Variants in AKAP6 observed in about 807,000 individuals in gnomAD.
The protein encoded by AKAP6 is A-kinase anchoring protein 6, also known as A-kinase anchor protein 6.
A neutral mutation model predicts 188.5 loss-of-function variants in AKAP6; 58 were observed. That is an observed-to-expected ratio of 0.31 (90% confidence interval 0.25 to 0.38). AKAP6 has a LOEUF of 0.38. Among genes scored for constraint, AKAP6 ranks in the 10% least tolerant of loss-of-function variants. The probability of loss-of-function intolerance (pLI) is 1.00; values close to 1 mark genes in which losing one functional copy is unlikely to be tolerated. For synonymous variants in AKAP6, 989 were observed against 998.6 expected, an observed-to-expected ratio of 0.99 and a Z score of 0.18; for missense variants, 2,710 against 2,740.0, an observed-to-expected ratio of 0.99 and a Z score of 0.24.
intron 9 of AKAP6, among the ~76,000 whole-genome samples, chr14:32,715,919 T>C (rs564745346): frequency 6.6e-6 from 1 of 152,002 alleles, no homozygotes; most frequent in East Asian, 1.9e-4. Context: ...CTCTGCATGC[T>C]AAGAAAATTT....
Position 32,764,519 on chromosome 14 carries a change from C to A in AKAP6, c.3373-9159C>A, listed in dbSNP as rs570788457. Among the ~76,000 whole-genome samples the A allele has an allele frequency of 1.7e-4, 26 of 152,328 alleles. 1 individual carries two copies. In the Middle Eastern group the frequency reaches 0.01, roughly 60 times the overall value. On this transcript the variant is annotated intron_variant, in intron 11 of 13. Coordinates refer to ENST00000280979, the MANE Select transcript of AKAP6 (RefSeq NM_004274.5). Reference sequence around the variant, plus strand: ...GAAAATGTAGAAATCATACAGGCTTCTTCAGCTTTCTTATGAAAAGCAATG... The same window carrying A: ...GAAAATGTAGAAATCATACAGGCTTATTCAGCTTTCTTATGAAAAGCAATG...
chr14:32,454,452 T>C (rs1409319640), intron 2 of AKAP6, among the ~76,000 whole-genome samples: 12 of 152,176 alleles, frequency 7.9e-5, no homozygotes, highest in Non-Finnish European at 1.6e-4. Flanking sequence ...CAGCTTCTCA[T>C]GTGGCCATGC....
chr14:32,813,230 A>T (rs1395373448), intron 12 of AKAP6, among the ~76,000 whole-genome samples: 1 of 152,136 alleles, frequency 6.6e-6, no homozygotes, highest in Non-Finnish European at 1.5e-5. Context: ...CTCAAGAAAA[A>T]CCAGACGTAA....
chr14:32,678,191 C>A, intron 7 of AKAP6, 120 bp from the exon 8 acceptor site: 4 of 1,030,572 alleles, frequency 3.9e-6, no homozygotes, highest in African/African-American at 1.6e-5. Flanking sequence ...CCATTAAATC[C>A]AACTCGAAAA....
rs141360280 is a variant in AKAP6, at chr14:32,355,174, A to G, written c.-35+25766A>G. Among the ~76,000 whole-genome samples, 91 of 152,354 alleles carry G rather than the reference A, an allele frequency of 6.0e-4. 1 individual carries two copies. The highest frequency in any genetic ancestry group is 2.0e-3 in the African/African-American group (85 of 41,578). ...TAGATGGCTGTGTTGCTTACAGAAG[A>G]AGGATTCTAACTGATACAAACTATA... On this transcript the variant is annotated intron_variant, in intron 1 of 13. Coordinates refer to ENST00000280979, the MANE Select transcript of AKAP6 (RefSeq NM_004274.5).
chr14:32,665,136 T>C (rs1438860480), intron 7 of AKAP6, among the ~76,000 whole-genome samples: 1 of 151,992 alleles, frequency 6.6e-6, no homozygotes, highest in Non-Finnish European at 1.5e-5. Context: ...GTTCTCCCCA[T>C]ACACCAAGCA....
At chr14:32,754,171 TA>T (rs949480083) in intron 11 of AKAP6, among the ~76,000 whole-genome samples, 1 of 152,164 alleles carries the variant, frequency 6.6e-6, no homozygotes, top group African/African-American at 2.4e-5. Context: ...GCTTTAGATA[TA>T]AAGGTGCTCT....
At chr14:32,373,984 G>A (rs1888086613) in intron 1 of AKAP6, among the ~76,000 whole-genome samples, 1 of 152,198 alleles carries the variant, frequency 6.6e-6, no homozygotes, top group African/African-American at 2.4e-5. Flanking sequence ...CCTGGTTAAA[G>A]ATGAGCGATA....
chr14:32,599,870 G>C (rs912863545), intron 6 of AKAP6, among the ~76,000 whole-genome samples: 2 of 152,048 alleles, frequency 1.3e-5, no homozygotes, highest in Non-Finnish European at 2.9e-5. Flanking sequence ...TACGCATTAG[G>C]GTACTTATAG....
chr14:32,525,012 TA>T (rs111614897), intron 2 of AKAP6, among the ~76,000 whole-genome samples: 2 of 152,114 alleles, frequency 1.3e-5, no homozygotes, highest in African/African-American at 2.4e-5. Context: ...GAAACACTGC[TA>T]AAAAAAATCA....
Position 32,414,696 on chromosome 14 carries a change from G to A in AKAP6, c.-34-18764G>A, listed in dbSNP as rs375227679. On this transcript the variant is annotated intron_variant, in intron 1 of 13. Transcript: ENST00000280979. The stretch of plus-strand genomic sequence containing the variant: ...ATATGTATATAATTAACATTTTTTT[G>A]TCCTTATGTAGGCAGTGTTTATTAA... Among the ~76,000 whole-genome samples the A allele has an allele frequency of 6.6e-5, 10 of 151,936 alleles. No homozygotes were observed. The East Asian group carries it at 1.5e-3, about 23-fold the overall frequency.
chr14:32,799,335 T>G (rs960046475), intron 12 of AKAP6, among the ~76,000 whole-genome samples: 1 of 152,166 alleles, frequency 6.6e-6, no homozygotes, highest in African/African-American at 2.4e-5. Context: ...TTTTTAATAT[T>G]TTTTTCTTCT....
chr14:32,754,583 A>G (rs1050345776), intron 11 of AKAP6, among the ~76,000 whole-genome samples: 3 of 152,144 alleles, frequency 2.0e-5, no homozygotes, highest in Admixed American at 2.0e-4. Context: ...CTTTATCTTT[A>G]CATTTACACT....
chr14:32,818,160 G>A (rs1381769596), intron 12 of AKAP6, among the ~76,000 whole-genome samples: 1 of 152,156 alleles, frequency 6.6e-6, no homozygotes, highest in Non-Finnish European at 1.5e-5. Context: ...AATGAATCCT[G>A]TCAGATATTT....
intron 12 of AKAP6, among the ~76,000 whole-genome samples, chr14:32,793,246 C>T (rs892667882): frequency 2.6e-5 from 4 of 152,026 alleles, no homozygotes; most frequent in Non-Finnish European, 4.4e-5. Context: ...GATAAAGAGC[C>T]AAGACCCATC....
At chr14:32,481,152 A>T (rs931103382) in intron 2 of AKAP6, among the ~76,000 whole-genome samples, 3 of 152,188 alleles carry the variant, frequency 2.0e-5, no homozygotes, top group African/African-American at 7.2e-5. Context: ...ATATATAAAG[A>T]TCTACTTTAT....
chr14:32,492,355 T>TATAGAGAGAGAGAGAGAG, intron 2 of AKAP6, among the ~76,000 whole-genome samples: 6 of 82,586 alleles, frequency 7.3e-5, no homozygotes, highest in Admixed American at 1.9e-4. Flanking sequence ...TATATATATA[T>TATAGAGAGAGAGAGAGAG]AGAGAGAGAG....
intron 5 of AKAP6, among the ~76,000 whole-genome samples, chr14:32,583,967 C>T (rs902318605): frequency 1.3e-4 from 20 of 152,224 alleles, no homozygotes; most frequent in Middle Eastern, 3.2e-3. Context: ...GGCTCGCGCA[C>T]GGTGCGCTGC....
intron 2 of AKAP6, among the ~76,000 whole-genome samples, chr14:32,468,226 TTAA>T (rs1273176982): frequency 1.3e-5 from 2 of 152,206 alleles, no homozygotes. Context: ...AGGTACTCTG[TTAA>T]TATTTACTGA....
Sources: gnomAD v4.1 joint callset for allele counts (sites outside exome capture counted in the v4.1 genomes callset) on GRCh38, gnomAD v4.1.1 for gene constraint, MANE v1.5 for transcripts, NCBI Gene and HGNC (gene_info 2026-07-23, HGNC 2026-07-21) for gene names.